Variants in SV2C observed in about 807,000 individuals in gnomAD.
SV2C encodes the protein solute carrier family 22 member B3.
A neutral mutation model predicts 79.7 loss-of-function variants in SV2C; 49 were observed. That is an observed-to-expected ratio of 0.61 (90% CI 0.49 to 0.78). The LOEUF is 0.78. Ranked by LOEUF, SV2C falls within the 30% of genes least tolerant of loss-of-function variation. The pLI is 0.00. For synonymous variants in SV2C, 334 were observed against 333.2 expected, an observed-to-expected ratio of 1.00 and a Z score of -0.03; for missense variants, 833 against 912.9, an observed-to-expected ratio of 0.91 and a Z score of 1.13.
chr5:76,220,580 C>T (rs1012207428), intron 4 of SV2C, among the ~76,000 whole-genome samples: 23 of 138,344 alleles, frequency 1.7e-4, no homozygotes, highest in Non-Finnish European at 1.5e-5. Context: ...GCCAAGGCAC[C>T]AGAATTGCTT....
chr5:75,942,048 T>G, the SV2C span, among the ~76,000 whole-genome samples: 1 of 152,158 alleles, frequency 6.6e-6, no homozygotes, highest in Non-Finnish European at 1.5e-5. Flanking sequence ...CAATGAATTC[T>G]CTATAAAAGG....
intron 2 of SV2C, among the ~76,000 whole-genome samples, chr5:76,163,146 G>C (rs944750707): frequency 3.3e-5 from 5 of 152,208 alleles, no homozygotes; most frequent in Non-Finnish European, 5.9e-5. Flanking sequence ...CACAGTTCCA[G>C]CCTCACTGAC....
At chr5:76,082,503 TCTCTCTCTCTCC>T (rs1747022291), upstream of SV2C, 2 of 151,778 alleles carry the variant, frequency 1.3e-5, no homozygotes, top group South Asian at 2.1e-4. Flanking sequence ...AGCAAAATTC[TCTCTCTCTCTCC>T]CTCTCTCTCT....
intron 1 of SV2C, among the ~76,000 whole-genome samples, chr5:76,096,874 A>G (rs1747581211): frequency 6.6e-6 from 1 of 152,066 alleles, no homozygotes; most frequent in African/African-American, 2.4e-5. Context: ...TTGATCTTCT[A>G]CCTTTGGATT....
the SV2C span, among the ~76,000 whole-genome samples, chr5:75,994,084 G>T: frequency 2.0e-5 from 3 of 152,174 alleles, no homozygotes; most frequent in South Asian, 4.2e-4. Context: ...GACTGGCTGG[G>T]CTTAATGGGG....
chr5:75,910,976 A>G, the SV2C span: 3 of 927,104 alleles, frequency 3.2e-6, no homozygotes, highest in Non-Finnish European at 5.3e-6. Flanking sequence ...CCCAGTTCGA[A>G]CATCTATGGC....
At chr5:76,121,528 C>A (rs1011505707) in intron 1 of SV2C, among the ~76,000 whole-genome samples, 4 of 151,220 alleles carry the variant, frequency 2.6e-5, no homozygotes, top group Non-Finnish European at 4.4e-5. Flanking sequence ...TTTAATCCAT[C>A]TTGAATTAAT....
At chr5:75,904,141 G>A in the SV2C span, among the ~76,000 whole-genome samples, 5 of 152,120 alleles carry the variant, frequency 3.3e-5, no homozygotes, top group African/African-American at 1.2e-4. Flanking sequence ...TGGTAGTTTT[G>A]ATATAGTTTG....
intron 1 of SV2C, among the ~76,000 whole-genome samples, chr5:76,128,349 TCTTTA>T (rs752835259): frequency 2.0e-5 from 3 of 152,310 alleles, no homozygotes; most frequent in Admixed American, 6.5e-5. Context: ...ACAACAATTC[TCTTTA>T]CTTCAGAATG....
Position 76,108,019 on chromosome 5 carries a change from G to C in SV2C, c.-101-23631G>C, listed in dbSNP as rs181223517. On this transcript the variant is annotated intron_variant, in intron 1 of 12. Coordinates refer to ENST00000502798, the MANE Select transcript of SV2C (RefSeq NM_014979.4). ...TGCAAAAATCACATTTTGGGAAAAG[G>C]TCAATCACATTTTGTCCATACAGCA... is the stretch of plus-strand genomic sequence containing the variant. Among the ~76,000 whole-genome samples the C allele has an allele frequency of 2.6e-5, 4 of 152,236 alleles. No homozygotes were observed. The East Asian group carries it at 7.7e-4, about 29-fold the overall frequency.
chr5:75,966,435 T>C, the SV2C span, among the ~76,000 whole-genome samples: 19 of 152,074 alleles, frequency 1.2e-4, no homozygotes, highest in Admixed American at 2.6e-4. Context: ...CCCAACAGGA[T>C]AAAATGAAGA....
chr5:76,042,201 A>G, the SV2C span, among the ~76,000 whole-genome samples: 1 of 152,132 alleles, frequency 6.6e-6, no homozygotes, highest in Non-Finnish European at 1.5e-5. Context: ...ATATTTCTTT[A>G]TCTTGGGATT....
the SV2C span, among the ~76,000 whole-genome samples, chr5:75,972,908 C>G: frequency 6.6e-6 from 1 of 152,024 alleles, no homozygotes; most frequent in Admixed American, 6.6e-5. Context: ...TTCACAATAG[C>G]AAAGACTTGG....
At chr5:76,174,541 G>C (rs1251674603) in intron 2 of SV2C, among the ~76,000 whole-genome samples, 1 of 152,156 alleles carries the variant, frequency 6.6e-6, no homozygotes, top group African/African-American at 2.4e-5. Flanking sequence ...CTCCCACCTC[G>C]GGCCCTAAGC....
At chr5:75,902,182 G>T in the SV2C span, among the ~76,000 whole-genome samples, 1 of 152,178 alleles carries the variant, frequency 6.6e-6, no homozygotes, top group South Asian at 2.1e-4. Flanking sequence ...CTTCTTTGTC[G>T]CTCACGCTGG....
At chr5:75,957,486 C>A in the SV2C span, among the ~76,000 whole-genome samples, 2 of 151,952 alleles carry the variant, frequency 1.3e-5, no homozygotes, top group Admixed American at 1.3e-4. Context: ...TGTCTTATCT[C>A]CAATCTACAA....
At chr5:76,147,020 G>A (rs1749457576) in intron 2 of SV2C, among the ~76,000 whole-genome samples, 1 of 152,076 alleles carries the variant, frequency 6.6e-6, no homozygotes, top group Admixed American at 6.6e-5. Flanking sequence ...AGAATTATGA[G>A]GGACTCTTTT....
the SV2C span, among the ~76,000 whole-genome samples, chr5:75,914,970 G>A: frequency 6.6e-6 from 1 of 152,158 alleles, no homozygotes; most frequent in Non-Finnish European, 1.5e-5. Context: ...TCATGTGGTG[G>A]CAGACAAGAG....
the SV2C span, among the ~76,000 whole-genome samples, chr5:76,009,952 T>C: frequency 2.7e-5 from 4 of 150,826 alleles, no homozygotes; most frequent in Admixed American, 6.6e-5. Flanking sequence ...AAAAGACATA[T>C]TGGCTTCTCA....
Sources: gnomAD v4.1 joint callset for allele counts (sites outside exome capture counted in the v4.1 genomes callset) on GRCh38, gnomAD v4.1.1 for gene constraint, MANE v1.5 for transcripts, NCBI Gene and HGNC (gene_info 2026-07-23, HGNC 2026-07-21) for gene names.